NIPA2: variants seen among roughly 807,000 people sequenced by gnomAD.
The protein encoded by NIPA2 is magnesium transporter NIPA2.
A neutral mutation model predicts 29.7 loss-of-function variants in NIPA2; 11 were observed. That is an observed-to-expected ratio of 0.37 (90% confidence interval 0.23 to 0.61). NIPA2 has a LOEUF of 0.61. NIPA2 is among the 20% of genes least tolerant of loss of function. NIPA2 has a pLI of 0.66. For missense variants in NIPA2, 426 were observed against 437.9 expected, an observed-to-expected ratio of 0.97 and a Z score of 0.24; for synonymous variants, 183 against 161.9, an observed-to-expected ratio of 1.13 and a Z score of -0.99.
chr15:22,851,711 A>T lies in NIPA2; in HGVS notation c.-21A>T. On this transcript the variant is annotated 5_prime_UTR_variant, in exon 4 of 8. Transcript: ENST00000337451. ...TCTGTGATCAATGTGATTCACAGGA[A>T]CTCCTTAAGTAACAAACGAAATGAG... The T allele has an allele frequency of 6.3e-7, 1 of 1,597,116 alleles. No homozygotes were observed. The highest frequency in any genetic ancestry group is 8.5e-7 in the Non-Finnish European group (1 of 1,173,862).
At chr15:22,865,473 A>G (rs1054831627) in intron 7 of NIPA2, among the ~76,000 whole-genome samples, 86 of 148,086 alleles carry the variant, frequency 5.8e-4, no homozygotes, top group Non-Finnish European at 2.4e-4. Context: ...GCGACAGAGC[A>G]AGACTCTGTC....
At chr15:22,846,050 C>T (rs1344923250) in intron 3 of NIPA2, among the ~76,000 whole-genome samples, 2 of 152,122 alleles carry the variant, frequency 1.3e-5, no homozygotes, top group Non-Finnish European at 2.9e-5. Context: ...TTCACCTTGT[C>T]AGTGAGAGAG....
chr15:22,845,373 T>TA (rs1202503602), intron 3 of NIPA2, 106 bp downstream of exon 3: 1 of 152,132 alleles, frequency 6.6e-6, no homozygotes, highest in African/African-American at 2.4e-5. Flanking sequence ...CCTCCACACA[T>TA]ACACCCTGGT....
At chr15:22,856,444 T>C (rs1192165192) in intron 5 of NIPA2, among the ~76,000 whole-genome samples, 1 of 151,914 alleles carries the variant, frequency 6.6e-6, no homozygotes, top group East Asian at 1.9e-4. Context: ...AATTAGATAG[T>C]AGAGAGTATC....
chr15:22,852,513 T>C (rs575563793), intron 4 of NIPA2, among the ~76,000 whole-genome samples: 68 of 151,166 alleles, frequency 4.5e-4, no homozygotes, highest in African/African-American at 1.5e-3. Flanking sequence ...TATTAAAGGC[T>C]GGGATCTTTT....
Position 22,866,821 on chromosome 15 carries a change from A to G in NIPA2, c.1057A>G (p.Arg353Gly), listed in dbSNP as rs771103774. ...ACACACTGGTGAAAATGTCTCCCGA[A>G]GAAATGGAAATCTGACAGCTTTTTA... ...EQHTGENVSR[R>G]NGNLTAF Residue 353 changes from arginine (R) to glycine (G), a missense_variant, in exon 8 of 8, where the codon AGA becomes GGA. Arg to Gly is a moderately radical substitution (Grantham distance 125). This residue lies in a region of NIPA2 where 357 missense variants were observed against 339.8 expected (regional missense o/e 1.05). Transcript: ENST00000337451. The G allele has an allele frequency of 6.3e-6, 10 of 1,596,428 alleles. No individual in the cohort carries two copies. Among genetic ancestry groups the G allele is most frequent in the Non-Finnish European group, 8.5e-7 (1 of 1,170,920 alleles).
At chr15:22,844,335 C>T (rs1032262134) in intron 2 of NIPA2, among the ~76,000 whole-genome samples, 5 of 151,848 alleles carry the variant, frequency 3.3e-5, no homozygotes, top group African/African-American at 1.2e-4. Context: ...CCAAGGTGGG[C>T]GGATCACAAA....
chr15:22,853,120 G>T, intron 4 of NIPA2, 92 bp from the exon 5 acceptor site: 1 of 828,816 alleles, frequency 1.2e-6, no homozygotes, highest in Non-Finnish European at 2.0e-6. Flanking sequence ...AGGAGTAACT[G>T]AGATATTTAA....
chr15:22,866,289 G>A lies in NIPA2; in HGVS notation c.525G>A (p.Gln175=). Residue 175 remains glutamine (Q), a synonymous_variant, in exon 8 of 8, where the codon CAG becomes CAA. Coordinates refer to ENST00000337451, the MANE Select transcript of NIPA2 (RefSeq NM_030922.7). ...LIFVVGPRHG[Q]TNILVYITIC... ...TCGTGGTGGGTCCTCGCCATGGACA[G>A]ACAAACATTCTTGTGTACATAACAA... The A allele has an allele frequency of 6.2e-7, 1 of 1,613,946 alleles. No individual in the cohort carries two copies. The highest frequency in any genetic ancestry group is 1.1e-5 in the South Asian group (1 of 91,088).
intron 5 of NIPA2, among the ~76,000 whole-genome samples, chr15:22,854,565 T>G (rs933475638): frequency 1.1e-4 from 16 of 150,436 alleles, no homozygotes; most frequent in Admixed American, 3.3e-4. Flanking sequence ...GCCAACATGG[T>G]GAAACCCCGT....
intron 4 of NIPA2, 33 bp downstream of exon 4, chr15:22,851,903 C>T (rs2057770284): frequency 6.3e-7 from 1 of 1,590,064 alleles, no homozygotes; most frequent in East Asian, 2.2e-5. Context: ...TTGAAGTGAC[C>T]TCAGTGTCTA....
chr15:22,857,428 G>A (rs563085136), intron 5 of NIPA2, among the ~76,000 whole-genome samples: 47 of 141,006 alleles, frequency 3.3e-4, no homozygotes, highest in African/African-American at 1.3e-3. Flanking sequence ...GCGACAGAGC[G>A]AGACTCTGTC....
chr15:22,866,914 C>G lies in NIPA2; in HGVS notation c.*67C>G, dbSNP rs1037111038. The G allele has an allele frequency of 1.2e-5, 17 of 1,383,980 alleles. No homozygotes were observed. Among genetic ancestry groups the G allele is most frequent in the Admixed American group, 2.3e-5 (1 of 42,906 alleles). The allele number at this position is 1,383,980 out of a possible 1,614,324, so 85.7% of individuals were successfully genotyped here. ...GAATTTGAATATCATCAGAATGTGT[C>G]TGAAAAAACATTGTCCTCAAATAAT... On this transcript the variant is annotated 3_prime_UTR_variant, in exon 8 of 8. Coordinates refer to ENST00000337451, the MANE Select transcript of NIPA2 (RefSeq NM_030922.7).
Position 22,866,901 on chromosome 15 carries a change from C to G in NIPA2, c.*54C>G. 7.0e-7 allele frequency: 1 copy of G among 1,437,794 alleles called. No individual in the cohort carries two copies. The highest frequency in any genetic ancestry group is 9.4e-7 in the Non-Finnish European group (1 of 1,066,856). The allele number at this position is 1,437,794 out of a possible 1,614,324, so 89.1% of individuals were successfully genotyped here. Reference sequence around the variant, plus strand: ...ATTGTTATGAAGTGAATTTGAATATCATCAGAATGTGTCTGAAAAAACATT... The same window carrying G: ...ATTGTTATGAAGTGAATTTGAATATGATCAGAATGTGTCTGAAAAAACATT... On this transcript the variant is annotated 3_prime_UTR_variant, in exon 8 of 8. Coordinates refer to ENST00000337451, the MANE Select transcript of NIPA2 (RefSeq NM_030922.7).
In NIPA2 at chr15:22,846,831, A is replaced by ATT. The variant is rs1898809277; in HGVS notation, c.-94+1564_-94+1565insTT. Among the ~76,000 whole-genome samples the ATT allele has an allele frequency of 4.0e-3, 471 of 117,932 alleles. 3 individuals carry two copies. The highest frequency in any genetic ancestry group is 0.024 in the South Asian group (86 of 3,658). The allele number at this position is 117,932 out of a possible 152,430, so 77.4% of individuals were successfully genotyped here. On this transcript the variant is annotated intron_variant, in intron 3 of 7. Transcript: ENST00000337451. Reference sequence around the variant, plus strand: ...ACCCTGTCTCCAAAATAATAATAATAATAATAATAATTATTATTATTATTA... The same window carrying ATT: ...ACCCTGTCTCCAAAATAATAATAATATTATAATAATAATTATTATTATTATTA...
intron 7 of NIPA2, among the ~76,000 whole-genome samples, chr15:22,865,813 G>A (rs1000913979): frequency 6.9e-6 from 1 of 145,460 alleles, no homozygotes; most frequent in Admixed American, 6.7e-5. Flanking sequence ...AAAACTTGAT[G>A]AAGAACTCTT....
At chr15:22,851,922 C>G in intron 4 of NIPA2, 52 bp downstream of exon 4, 1 of 1,498,116 alleles carries the variant, frequency 6.7e-7, no homozygotes, top group Non-Finnish European at 9.1e-7. Context: ...TACCTACATG[C>G]ACAGGTTCTT....
At chr15:22,849,001 C>T (rs1401250692) in intron 3 of NIPA2, among the ~76,000 whole-genome samples, 1 of 152,150 alleles carries the variant, frequency 6.6e-6, no homozygotes, top group African/African-American at 2.4e-5. Context: ...GGCTGATAAA[C>T]ACAGATCAAC....
At chr15:22,850,688 G>GT (rs1317573935) in intron 3 of NIPA2, among the ~76,000 whole-genome samples, 1 of 152,166 alleles carries the variant, frequency 6.6e-6, no homozygotes, top group Non-Finnish European at 1.5e-5. Context: ...GATGGATAAA[G>GT]TAATTGAGGG....
Sources: gnomAD v4.1 joint callset for allele counts (sites outside exome capture counted in the v4.1 genomes callset) on GRCh38, gnomAD v4.1.1 for gene constraint, gnomAD v4.1.1 regional missense constraint, MANE v1.5 for transcripts, NCBI Gene and HGNC (gene_info 2026-07-23, HGNC 2026-07-21) for gene names.